Variants in ARHGAP21 observed in about 807,000 individuals in gnomAD.
ARHGAP21 encodes Rho GTPase activating protein 21, also known as rho GTPase-activating protein 21.
In ARHGAP21, 38 loss-of-function variants were observed where a neutral mutation model predicts 164.6. That is an observed-to-expected ratio of 0.23 (90% CI 0.18 to 0.30). The LOEUF is 0.30. ARHGAP21 is among the 10% of genes least tolerant of loss of function. The probability of loss-of-function intolerance (pLI) is 1.00; values close to 1 mark genes in which losing one functional copy is unlikely to be tolerated. For synonymous variants in ARHGAP21, 766 were observed against 857.9 expected, an observed-to-expected ratio of 0.89 and a Z score of 1.87; for missense variants, 1,822 against 2,370.7, an observed-to-expected ratio of 0.77 and a Z score of 4.81.
intron 4 of ARHGAP21, among the ~76,000 whole-genome samples, chr10:24,655,770 A>T (rs1467968462): frequency 7.9e-6 from 1 of 127,362 alleles, no homozygotes; most frequent in Non-Finnish European, 1.7e-5. Flanking sequence ...GGAAGTGAGG[A>T]GCGCCTCTTC....
At chr10:24,710,784 T>C (rs542289963) in intron 2 of ARHGAP21, among the ~76,000 whole-genome samples, 56 of 152,226 alleles carry the variant, frequency 3.7e-4, no homozygotes, top group African/African-American at 1.3e-3. Context: ...AAAACACAAG[T>C]TGCTTCCTTC....
At chr10:24,637,297 C>T (rs767075223) in intron 4 of ARHGAP21, among the ~76,000 whole-genome samples, 16 of 152,196 alleles carry the variant, frequency 1.1e-4, no homozygotes, top group Non-Finnish European at 1.8e-4. Flanking sequence ...AATGCAAACG[C>T]TGAATTCCTA....
At chr10:24,674,078 A>C (rs910142654) in intron 2 of ARHGAP21, among the ~76,000 whole-genome samples, 4 of 152,116 alleles carry the variant, frequency 2.6e-5, no homozygotes, top group Non-Finnish European at 5.9e-5. Context: ...ACTTCATCAA[A>C]ATTAAGACCC....
At chr10:24,687,818 A>G (rs920905918) in intron 2 of ARHGAP21, among the ~76,000 whole-genome samples, 8 of 152,206 alleles carry the variant, frequency 5.3e-5, no homozygotes, top group Admixed American at 5.2e-4. Flanking sequence ...AAGCACGAAT[A>G]TAGGCTACGG....
intron 16 of ARHGAP21, 102 bp downstream of exon 16, chr10:24,597,345 A>C (rs552650058): frequency 2.1e-6 from 3 of 1,424,798 alleles, no homozygotes; most frequent in Non-Finnish European, 2.8e-6. Flanking sequence ...GCTAGTTGAC[A>C]TGGGGCCTGG....
At chr10:24,612,073 C>T (rs1340093202) in intron 9 of ARHGAP21, among the ~76,000 whole-genome samples, 2 of 152,100 alleles carry the variant, frequency 1.3e-5, no homozygotes, top group Non-Finnish European at 2.9e-5. Context: ...TACAAAGAAG[C>T]ATATAATTAA....
chr10:24,670,492 G>T (rs930913015), intron 2 of ARHGAP21, 95 bp from the exon 3 acceptor site: 2 of 730,280 alleles, frequency 2.7e-6, no homozygotes, highest in East Asian at 3.2e-5. Context: ...CCTGAGCGCC[G>T]ATATGAACTA....
chr10:24,674,355 G>GAA (rs1298049830), intron 2 of ARHGAP21, among the ~76,000 whole-genome samples: 4 of 152,216 alleles, frequency 2.6e-5, no homozygotes, highest in Non-Finnish European at 5.9e-5. Flanking sequence ...CCAACATGGT[G>GAA]AAACCCCGTC....
chr10:24,719,756 CAACT>C (rs1311425826), intron 2 of ARHGAP21, among the ~76,000 whole-genome samples: 1 of 152,168 alleles, frequency 6.6e-6, no homozygotes, highest in Non-Finnish European at 1.5e-5. Context: ...ATTTCATTAG[CAACT>C]AACTCCCTAT....
intron 8 of ARHGAP21, 65 bp downstream of exon 8, chr10:24,622,668 C>T: frequency 2.0e-6 from 3 of 1,515,802 alleles, no homozygotes; most frequent in Admixed American, 2.0e-5. Flanking sequence ...AATAGATTGG[C>T]TTATTACAAA....
At chr10:24,625,748 G>C (rs1306657332) in intron 7 of ARHGAP21, among the ~76,000 whole-genome samples, 1 of 152,092 alleles carries the variant, frequency 6.6e-6, no homozygotes, top group Admixed American at 6.6e-5. Flanking sequence ...CACATGAAAT[G>C]CTTATTTTAA....
rs118008624 is a variant in ARHGAP21 at position 24,596,101 on chromosome 10, T to C, written c.3478-58A>G. 3.8e-3 allele frequency: 5,393 copies of C among 1,408,810 alleles called. 235 individuals carry two copies. The Admixed American group carries it at 0.092, about 24-fold the overall frequency. The allele number at this position is 1,408,810 out of a possible 1,614,324, so 87.3% of individuals were successfully genotyped here. On this transcript the variant is annotated intron_variant, in intron 17 of 25. Transcript: ENST00000396432. ...GCAGCACAAATGTTTAGTAGTTGTA[T>C]ATCACAGCTAAAATGCCCCTTTCAT...
intron 4 of ARHGAP21, among the ~76,000 whole-genome samples, chr10:24,665,583 T>C (rs554822968): frequency 4.7e-4 from 72 of 152,262 alleles, no homozygotes; most frequent in Non-Finnish European, 9.0e-4. Flanking sequence ...AAAAATCAGA[T>C]CAGTGATTGT....
chr10:24,723,203 G>A (rs1358369600), intron 1 of ARHGAP21: 1 of 151,014 alleles, frequency 6.6e-6, no homozygotes, highest in Admixed American at 6.6e-5. Flanking sequence ...GCGGCGAGCT[G>A]AAGCGGAGAC....
chr10:24,637,460 T>C (rs944728887), intron 4 of ARHGAP21, among the ~76,000 whole-genome samples: 1 of 152,194 alleles, frequency 6.6e-6, no homozygotes, highest in Non-Finnish European at 1.5e-5. Flanking sequence ...AAGATTTATA[T>C]AATAAAAGAG....
Position 24,619,695 on chromosome 10 carries a change from C to G in ARHGAP21, c.2200G>C (p.Ala734Pro). Residue 734 changes from alanine to proline, a missense_variant, in exon 9 of 26, where the codon GCT becomes CCT. Physicochemically the swap from Ala to Pro is conservative, Grantham distance 27 (BLOSUM62 -1). Transcript: ENST00000396432. ...EQSDTLDNKE[A>P]VILREKPPSG... ...GGAGGTTTTTCCCTTAGGATGACAG[C>G]TTCTTTATTATCTAAAGTATCTGAT... The G allele has an allele frequency of 6.2e-7, 1 of 1,614,122 alleles. No individual in the cohort carries two copies. Among genetic ancestry groups the G allele is most frequent in the Non-Finnish European group, 8.5e-7 (1 of 1,180,012 alleles).
Position 24,609,806 on chromosome 10 carries a change from A to G in ARHGAP21, c.2423-1903T>C, listed in dbSNP as rs148309664. Among the ~76,000 whole-genome samples, 17 of 152,360 alleles carry G rather than the reference A, an allele frequency of 1.1e-4. No individual in the cohort carries two copies. In the East Asian group the frequency reaches 2.7e-3, roughly 24 times the overall value. Reference sequence around the variant, plus strand: ...CTTATTTTCCAATGTAGAAAAATACATATTATTTAGTTGACCAAACGGAAA... The same window carrying G: ...CTTATTTTCCAATGTAGAAAAATACGTATTATTTAGTTGACCAAACGGAAA... On this transcript the variant is annotated intron_variant, in intron 9 of 25. Transcript: ENST00000396432.
rs187634997 is a variant in ARHGAP21 at position 24,638,787 on chromosome 10, A to C, written c.269-3684T>G. Among the ~76,000 whole-genome samples, 7 of 152,352 alleles carry C rather than the reference A, an allele frequency of 4.6e-5. No individual in the cohort carries two copies. The East Asian group carries it at 1.3e-3, about 29-fold the overall frequency. On this transcript the variant is annotated intron_variant, in intron 4 of 25. Transcript: ENST00000396432. ...CAGTTAAATCTTCCTATATTTGTAG[A>C]AAAGAAGGTAAAAAGACAATTATCT...
rs888545531 is a variant in ARHGAP21, at chr10:24,590,301, G to T, written c.4150+924C>A. 11 of 1,533,952 alleles carry T rather than the reference G, an allele frequency of 7.2e-6. No individual in the cohort carries two copies. In the African/African-American group the frequency reaches 1.4e-4, roughly 19 times the overall value. ...ATTGATCTGTTTACAATAATCTTAT[G>T]AGAAACTTTACACCACAGATCAACT... On this transcript the variant is annotated intron_variant, in intron 24 of 25. Transcript: ENST00000396432.
Sources: allele counts gnomAD v4.1 joint callset (sites outside exome capture counted in the v4.1 genomes callset), GRCh38; gene constraint gnomAD v4.1.1; transcripts MANE v1.5; gene names NCBI Gene and HGNC (gene_info 2026-07-23, HGNC 2026-07-21).